Variants in CHST6 observed in about 807,000 individuals in gnomAD.
The protein encoded by CHST6 is N-acetylglucosamine 6-O-sulfotransferase 5.
For missense variants in CHST6, 698 were observed against 586.2 expected, an observed-to-expected ratio of 1.19 and a Z score of -1.97; for synonymous variants, 309 against 276.4, an observed-to-expected ratio of 1.12 and a Z score of -1.17.
rs2080079640 is a variant in CHST6, at chr16:75,477,570, C to T, written c.*1071G>A. ...CTGTCCTTTCCAGAGGTTCCATGAGCTCTTCTTTTAAACATGTACTGGGCA... is the reference window on the plus strand; with the variant it reads ...CTGTCCTTTCCAGAGGTTCCATGAGTTCTTCTTTTAAACATGTACTGGGCA... On this transcript the variant is annotated 3_prime_UTR_variant, in exon 3 of 3. Coordinates refer to ENST00000332272, the MANE Select transcript of CHST6 (RefSeq NM_021615.5). 1.3e-5 allele frequency: 2 copies of T among 152,274 alleles called. No individual in the cohort carries two copies. The highest frequency in any genetic ancestry group is 4.8e-5 in the African/African-American group (2 of 41,438). 9.4% of individuals were successfully genotyped at this position (152,274 alleles called of 1,614,324 possible).
intron 1 of CHST6, among the ~76,000 whole-genome samples, chr16:75,488,099 G>A (rs190613762): frequency 6.6e-6 from 1 of 152,298 alleles, no homozygotes; most frequent in Non-Finnish European, 1.5e-5. Flanking sequence ...GGAACAAAAT[G>A]TAACACTAGG....
intron 1 of CHST6, among the ~76,000 whole-genome samples, chr16:75,486,878 C>A (rs1350427124): frequency 2.6e-5 from 4 of 152,172 alleles, no homozygotes; most frequent in Non-Finnish European, 5.9e-5. Context: ...GGGGCTGGCC[C>A]TGCGTTGTTT....
intron 1 of CHST6, among the ~76,000 whole-genome samples, chr16:75,494,082 T>G (rs2080284873): frequency 6.6e-6 from 1 of 152,136 alleles, no homozygotes; most frequent in South Asian, 2.1e-4. Flanking sequence ...TGACCTCAGG[T>G]GATCCACCTG....
intron 1 of CHST6, among the ~76,000 whole-genome samples, chr16:75,487,980 G>A (rs1269080002): frequency 6.6e-6 from 1 of 151,934 alleles, no homozygotes; most frequent in Non-Finnish European, 1.5e-5. Context: ...TGGCAACAGA[G>A]TAACACTCCA....
chr16:75,482,501 G>A (rs2080152884), intron 1 of CHST6, among the ~76,000 whole-genome samples: 1 of 152,194 alleles, frequency 6.6e-6, no homozygotes, highest in Non-Finnish European at 1.5e-5. Flanking sequence ...TCATGCCACT[G>A]CACTCCAGCC....
chr16:75,487,571 G>A (rs1333281100), intron 1 of CHST6, among the ~76,000 whole-genome samples: 4 of 152,090 alleles, frequency 2.6e-5, no homozygotes, highest in Admixed American at 2.6e-4. Context: ...AGGCTGAGTA[G>A]GGTGGATCAC....
intron 1 of CHST6, among the ~76,000 whole-genome samples, chr16:75,493,441 G>A (rs1238424338): frequency 5.9e-5 from 9 of 151,610 alleles, no homozygotes; most frequent in Admixed American, 4.6e-4. Context: ...CCTGGGATGC[G>A]GAGAGGTTGC....
In CHST6 at chr16:75,474,626, G is replaced by A. The variant is rs1484737123; in HGVS notation, c.*4015C>T. 8 of 398,896 alleles carry A rather than the reference G, an allele frequency of 2.0e-5. No homozygotes were observed. Among genetic ancestry groups the A allele is most frequent in the Non-Finnish European group, 3.5e-5 (8 of 226,424 alleles). The allele number at this position is 398,896 out of a possible 1,614,324, so 24.7% of individuals were successfully genotyped here. ...GTATTGGCTTACAGTTCTGGAGGCT[G>A]GGAAGCCCAAGATCAAGGAGCCAGC... On this transcript the variant is annotated 3_prime_UTR_variant, in exon 3 of 3. Transcript: ENST00000332272.
At chr16:75,488,243 C>T (rs917972529) in intron 1 of CHST6, among the ~76,000 whole-genome samples, 1 of 151,986 alleles carries the variant, frequency 6.6e-6, no homozygotes, top group African/African-American at 2.4e-5. Flanking sequence ...GCAGGTGGAT[C>T]ACCTGAGGTC....
Position 75,474,624 on chromosome 16 carries a change from C to T in CHST6, c.*4017G>A, listed in dbSNP as rs1025759998. On this transcript the variant is annotated 3_prime_UTR_variant, in exon 3 of 3. Coordinates refer to ENST00000332272, the MANE Select transcript of CHST6 (RefSeq NM_021615.5). ...GTGTATTGGCTTACAGTTCTGGAGG[C>T]TGGGAAGCCCAAGATCAAGGAGCCA... 34 of 398,886 alleles carry T rather than the reference C, an allele frequency of 8.5e-5. 1 individual carries two copies. In the South Asian group the frequency reaches 1.0e-3, roughly 12 times the overall value. 24.7% of individuals were successfully genotyped at this position (398,886 alleles called of 1,614,324 possible).
intron 2 of CHST6, among the ~76,000 whole-genome samples, chr16:75,481,332 C>T (rs2080139407): frequency 6.6e-6 from 1 of 151,636 alleles, no homozygotes; most frequent in Admixed American, 6.6e-5. Context: ...GTGGCTCATG[C>T]CTGTAATCCT....
chr16:75,486,182 C>G (rs115616752), intron 1 of CHST6, among the ~76,000 whole-genome samples: 1 of 152,388 alleles, frequency 6.6e-6, no homozygotes, highest in Non-Finnish European at 1.5e-5. Context: ...CTGTGCCTGT[C>G]AAGGCATGCC....
chr16:75,482,636 G>C (rs3115960), intron 1 of CHST6, among the ~76,000 whole-genome samples: 84,511 of 152,054 alleles, frequency 0.56, 24,789 homozygotes, highest in Admixed American at 0.68. Flanking sequence ...GTGTTCTTCT[G>C]TTTGCACCTG....
At position 75,495,265 on chromosome 16, in the gene CHST6, G is replaced by A. The variant is rs1446067660; in HGVS notation, c.-417C>T. On this transcript the variant is annotated 5_prime_UTR_variant, in exon 1 of 3. Coordinates refer to ENST00000332272, the MANE Select transcript of CHST6 (RefSeq NM_021615.5). Reference sequence around the variant, plus strand: ...TCCCAGAATGGGATGTTGAGGCTGGGGGTGTCCTGGGGCTACCACAGGGAA... The same window carrying A: ...TCCCAGAATGGGATGTTGAGGCTGGAGGTGTCCTGGGGCTACCACAGGGAA... 6.6e-6 allele frequency: 1 copy of A among 152,064 alleles called. No homozygotes were observed. Among genetic ancestry groups the A allele is most frequent in the Non-Finnish European group, 1.5e-5 (1 of 68,062 alleles). 9.4% of individuals were successfully genotyped at this position (152,064 alleles called of 1,614,324 possible).
chr16:75,490,211 G>C (rs1045762903), intron 1 of CHST6, among the ~76,000 whole-genome samples: 2 of 149,580 alleles, frequency 1.3e-5, no homozygotes, highest in African/African-American at 2.5e-5. Context: ...GGGCACAGTG[G>C]CTCACGCCTG....
Position 75,478,102 on chromosome 16 carries a change from C to T in CHST6, c.*539G>A, listed in dbSNP as rs1056717685. 2 of 180,770 alleles carry T rather than the reference C, an allele frequency of 1.1e-5. No homozygotes were observed. Among genetic ancestry groups the T allele is most frequent in the South Asian group, 1.2e-4 (1 of 8,472 alleles). The allele number at this position is 180,770 out of a possible 1,614,324, so 11.2% of individuals were successfully genotyped here. On this transcript the variant is annotated 3_prime_UTR_variant, in exon 3 of 3. Coordinates refer to ENST00000332272, the MANE Select transcript of CHST6 (RefSeq NM_021615.5). Reference sequence around the variant, plus strand: ...TTCTCACCCAGGAGGCAGGTCCTCTCCTATCCACTGGAGACCCAGAGCAAA... The same window carrying T: ...TTCTCACCCAGGAGGCAGGTCCTCTTCTATCCACTGGAGACCCAGAGCAAA...
chr16:75,479,164 T>C lies in CHST6; in HGVS notation c.665A>G (p.Asn222Ser), dbSNP rs929288552. 2.5e-6 allele frequency: 4 copies of C among 1,607,596 alleles called. No individual in the cohort carries two copies. In the African/African-American group the frequency reaches 4.0e-5, roughly 16 times the overall value. Reference sequence around the variant, plus strand: ...GCCGTTGGTGCCCAGCACGATGCCGTTGTCACGCGCCAGAGCCTTGGCTGT... The same window carrying C: ...GCCGTTGGTGCCCAGCACGATGCCGCTGTCACGCGCCAGAGCCTTGGCTGT... ...EQTAKALARD[N>S]GIVLGTNGTW... Residue 222 changes from asparagine to serine, a missense_variant, in exon 3 of 3, where the codon AAC becomes AGC. Physicochemically the swap from Asn to Ser is conservative, Grantham distance 46. Coordinates refer to ENST00000332272, the MANE Select transcript of CHST6 (RefSeq NM_021615.5).
At chr16:75,480,927 C>CAAAAAAAAAAAAAAAAAAA (rs60465949) in intron 2 of CHST6, among the ~76,000 whole-genome samples, 1 of 111,398 alleles carries the variant, frequency 9.0e-6, no homozygotes, top group Non-Finnish European at 1.7e-5. Flanking sequence ...AACTTCATTC[C>CAAAAAAAAAAAAAAAAAAA]AAAAAAAAAA....
At chr16:75,491,219 A>AT (rs1491290856) in intron 1 of CHST6, among the ~76,000 whole-genome samples, 19 of 115,902 alleles carry the variant, frequency 1.6e-4, no homozygotes, top group East Asian at 1.0e-3. Context: ...ATATATATAT[A>AT]AAATATAATA....
Sources: allele counts gnomAD v4.1 joint callset (sites outside exome capture counted in the v4.1 genomes callset), GRCh38; gene constraint gnomAD v4.1.1; transcripts MANE v1.5; gene names NCBI Gene and HGNC (gene_info 2026-07-23, HGNC 2026-07-21).